UNC13A: variants seen among roughly 807,000 people sequenced by gnomAD.
UNC13A encodes the protein protein unc-13 homolog A.
Under a neutral mutation model 219.7 loss-of-function variants are expected in UNC13A, and 61 were observed. That is an observed-to-expected ratio of 0.28 (90% confidence interval 0.23 to 0.34). The LOEUF is 0.34. UNC13A is among the 10% of genes least tolerant of loss of function. UNC13A has a pLI of 1.00. For missense variants in UNC13A, 1,476 were observed against 2,270.3 expected (o/e 0.65, Z 7.11); for synonymous variants, 920 against 884.6 (o/e 1.04, Z -0.71).
At position 17,674,797 on chromosome 19, in the gene UNC13A, A is replaced by G. The variant is rs780277844; in HGVS notation, c.53-41T>C. ...TAGGGGTCAGCGCTGGGGCTCAGGG[A>G]CTCTCCAATGCCCCTTCCCAAGCTC... On this transcript the variant is annotated intron_variant, in intron 2 of 43. Coordinates refer to ENST00000519716, the MANE Select transcript of UNC13A (RefSeq NM_001080421.3). This position sits in a 1 kb window ranked among gnomAD's most constrained non-coding sequence, Gnocchi z 5.0. 1.3e-6 allele frequency: 2 copies of G among 1,523,766 alleles called. No homozygotes were observed. Among genetic ancestry groups the G allele is most frequent in the South Asian group, 1.1e-5 (1 of 89,200 alleles). 94.4% of individuals were successfully genotyped at this position (1,523,766 alleles called of 1,614,324 possible).
At chr19:17,637,791 T>A (rs184457843) in intron 25 of UNC13A, among the ~76,000 whole-genome samples, 3,424 of 97,526 alleles carry the variant, frequency 0.035, 84 homozygotes, top group African/African-American at 0.051. Context: ...ACAGCTTATG[T>A]GTTATATCCT....
intron 38 of UNC13A, 169 bp from the exon 39 acceptor site, chr19:17,619,131 T>C (rs1220986615): frequency 3.1e-6 from 2 of 641,784 alleles, no homozygotes; most frequent in African/African-American, 1.8e-5. Flanking sequence ...TGTGGTGACC[T>C]TGTCCCTGAA....
At chr19:17,633,228 G>A in intron 26 of UNC13A, 35 bp from the exon 27 acceptor site, 1 of 1,600,026 alleles carries the variant, frequency 6.2e-7, no homozygotes, top group South Asian at 1.1e-5. Context: ...ACTTTGGCAG[G>A]CAGAAGGCAG....
At chr19:17,633,893 C>T (rs2076884720) in intron 26 of UNC13A, among the ~76,000 whole-genome samples, 1 of 150,612 alleles carries the variant, frequency 6.6e-6, no homozygotes, top group African/African-American at 2.5e-5. Flanking sequence ...ATCCACCCAT[C>T]CATCCATCCA....
At chr19:17,635,920 A>G (rs2076908664) in intron 26 of UNC13A, 104 bp downstream of exon 26, 4 of 1,396,380 alleles carry the variant, frequency 2.9e-6, no homozygotes, top group Non-Finnish European at 3.9e-6. Context: ...CCCCAGGTGC[A>G]CATTTGTGTA....
chr19:17,629,242 C>T lies in UNC13A; in HGVS notation c.3751G>A (p.Val1251Met). The T allele has an allele frequency of 6.2e-7, 1 of 1,608,396 alleles. No homozygotes were observed. Among genetic ancestry groups the T allele is most frequent in the Non-Finnish European group, 8.5e-7 (1 of 1,177,790 alleles). Residue 1251 changes from valine to methionine, a missense_variant and splice_region_variant, in exon 31 of 44, where the codon GTG becomes ATG. Val to Met is a conservative substitution (Grantham distance 21). Transcript: ENST00000519716. ...ASYCSKEKEKVPCILMNNTQQ... is the reference protein window; with the variant it reads ...ASYCSKEKEKMPCILMNNTQQ... ...GGTCAGGGGCCCCCTCAGGTCACCA[C>T]TTTCTCCTTCTCCTTGGAGCAGTAG...
rs962413745 is a variant in UNC13A, at chr19:17,656,317, G to T, written c.849C>A (p.Asp283Glu). Residue 283 changes from aspartate to glutamate, a missense_variant, in exon 10 of 44, where the codon GAC becomes GAA. Physicochemically the swap from Asp to Glu is conservative, Grantham distance 45. This residue lies in a region of UNC13A where 351 missense variants were observed against 342.6 expected (regional missense o/e 1.02). Transcript: ENST00000519716. ...SSQLSEDFDP[D>E]EHSLQGSDME... ...TGTCGGAGCCCTGCAGGCTGTGCTC[G>T]TCAGGGTCGAAGTCCTCGCTCAGCT... The T allele has an allele frequency of 6.4e-7, 1 of 1,556,322 alleles. No homozygotes were observed. The highest frequency in any genetic ancestry group is 1.4e-5 in the African/African-American group (1 of 73,352).
In UNC13A at chr19:17,654,913, A is replaced by T. The variant is rs142319155; in HGVS notation, c.1392+361T>A. On this transcript the variant is annotated intron_variant, in intron 11 of 43. Transcript: ENST00000519716. ...CATTGGGAAGGAGGCTGGGCTGGGG[A>T]TGTGTGGGGCCAGACTTGGTGCATG... Among the ~76,000 whole-genome samples, 573 of 152,042 alleles carry T rather than the reference A, an allele frequency of 3.8e-3. 1 individual carries two copies. Among genetic ancestry groups the T allele is most frequent in the Non-Finnish European group, 5.7e-3 (388 of 67,976 alleles).
At position 17,627,983 on chromosome 19, in the gene UNC13A, T is replaced by C. The variant is rs921744655; in HGVS notation, c.3754-43A>G. 1 of 1,548,602 alleles carries C rather than the reference T, an allele frequency of 6.5e-7. No homozygotes were observed. Among genetic ancestry groups the C allele is most frequent in the African/African-American group, 1.4e-5 (1 of 73,350 alleles). On this transcript the variant is annotated intron_variant, in intron 31 of 43. Coordinates refer to ENST00000519716, the MANE Select transcript of UNC13A (RefSeq NM_001080421.3). This position sits in a 1 kb window ranked among gnomAD's most constrained non-coding sequence, Gnocchi z 4.7. ...GAGGGGAGTCAAGCCTCAGGACCTC[T>C]CCCCAGAGCCTCCCCTACCCACCGC...
intron 27 of UNC13A, 81 bp from the exon 28 acceptor site, chr19:17,632,989 A>G: frequency 2.5e-6 from 4 of 1,609,190 alleles, no homozygotes; most frequent in South Asian, 1.1e-5. Context: ...TACTCTGGCC[A>G]TCACTGATTT....
At chr19:17,652,214 C>G (rs1057070014) in intron 12 of UNC13A, among the ~76,000 whole-genome samples, 2 of 152,186 alleles carry the variant, frequency 1.3e-5, no homozygotes, top group Non-Finnish European at 2.9e-5. Flanking sequence ...TCACTACAAC[C>G]TCTGCCTCTC....
chr19:17,685,481 G>C, intron 1 of UNC13A, among the ~76,000 whole-genome samples: 1 of 152,156 alleles, frequency 6.6e-6, no homozygotes, highest in South Asian at 2.1e-4. Flanking sequence ...TTACAGGCCT[G>C]AGCCACCGCG....
chr19:17,675,924 G>A (rs1459030007), intron 2 of UNC13A, 88 bp downstream of exon 2: 3 of 1,484,952 alleles, frequency 2.0e-6, no homozygotes, highest in Non-Finnish European at 2.8e-6. Flanking sequence ...CCAACTCTAA[G>A]TCTGGGCTGG....
Position 17,606,046 on chromosome 19 carries a change from C to T in UNC13A, c.*8G>A, listed in dbSNP as rs777828629. 1.3e-5 allele frequency: 19 copies of T among 1,510,358 alleles called. No homozygotes were observed. Among genetic ancestry groups the T allele is most frequent in the South Asian group, 5.1e-5 (4 of 78,636 alleles). 93.6% of individuals were successfully genotyped at this position (1,510,358 alleles called of 1,614,324 possible). On this transcript the variant is annotated 3_prime_UTR_variant, in exon 44 of 44. Transcript: ENST00000519716. Reference sequence around the variant, plus strand: ...GCAGGCGCAGTGCCGCTCGGCCGACCGCCCGCGCTAAGGCGCAGGCGCGGC... The same window carrying T: ...GCAGGCGCAGTGCCGCTCGGCCGACTGCCCGCGCTAAGGCGCAGGCGCGGC...
chr19:17,640,026 A>G lies in UNC13A; in HGVS notation c.2788-118T>C, dbSNP rs2076951612. ...CACCACCCTCATAATGTCCATTTCC[A>G]TTCTATGGCATTTTTTTTTTTGTTT... On this transcript the variant is annotated intron_variant, in intron 22 of 43. Transcript: ENST00000519716. 3 of 993,862 alleles carry G rather than the reference A, an allele frequency of 3.0e-6. No homozygotes were observed. The South Asian group carries it at 4.6e-5, about 15-fold the overall frequency. The allele number at this position is 993,862 out of a possible 1,614,324, so 61.6% of individuals were successfully genotyped here.
At chr19:17,664,603 T>A (rs942668702) in intron 7 of UNC13A, among the ~76,000 whole-genome samples, 1 of 152,220 alleles carries the variant, frequency 6.6e-6, no homozygotes, top group Admixed American at 6.5e-5. Context: ...CCAGGGGCTC[T>A]CTGCCATTGC....
rs550164629 is a variant in UNC13A, at chr19:17,677,386, C to T, written c.23-1345G>A. Reference sequence around the variant, plus strand: ...TTTTTTTTCTTTTTTTTTTTAGGGACGGAGTCTTGCTCTATTGCCCAGGCT... The same window carrying T: ...TTTTTTTTCTTTTTTTTTTTAGGGATGGAGTCTTGCTCTATTGCCCAGGCT... On this transcript the variant is annotated intron_variant, in intron 1 of 43. Transcript: ENST00000519716. Among the ~76,000 whole-genome samples the T allele has an allele frequency of 7.9e-4, 116 of 147,688 alleles. 2 individuals are homozygous for T. Among genetic ancestry groups the T allele is most frequent in the African/African-American group, 2.4e-3 (96 of 40,280 alleles).
intron 1 of UNC13A, among the ~76,000 whole-genome samples, chr19:17,680,423 G>T (rs998548396): frequency 9.2e-5 from 14 of 152,216 alleles, no homozygotes; most frequent in South Asian, 4.1e-4. Context: ...CGGCGGACAG[G>T]GGGGCGGGGA....
chr19:17,623,530 G>T lies in UNC13A; in HGVS notation c.4203+12C>A. 6.7e-7 allele frequency: 1 copy of T among 1,500,208 alleles called. No homozygotes were observed. The highest frequency in any genetic ancestry group is 1.3e-5 in the South Asian group (1 of 79,094). The allele number at this position is 1,500,208 out of a possible 1,614,324, so 92.9% of individuals were successfully genotyped here. A position where few individuals can be genotyped will look rare whatever the true frequency, so the allele number is the denominator to read the frequency against. On this transcript the variant is annotated intron_variant, in intron 36 of 43. Coordinates refer to ENST00000519716, the MANE Select transcript of UNC13A (RefSeq NM_001080421.3). Reference sequence around the variant, plus strand: ...GACGGACAGACAGACGGACAGACGGGACTCTACTTACGATCATCTGTCATC... The same window carrying T: ...GACGGACAGACAGACGGACAGACGGTACTCTACTTACGATCATCTGTCATC...
Sources: gnomAD v4.1 joint callset for allele counts (sites outside exome capture counted in the v4.1 genomes callset) on GRCh38, gnomAD v4.1.1 for gene constraint, gnomAD v4.1.1 regional missense constraint, Gnocchi (gnomAD v3.1) non-coding constraint, MANE v1.5 for transcripts, NCBI Gene and HGNC (gene_info 2026-07-23, HGNC 2026-07-21) for gene names.